BMPER: variants seen among roughly 807,000 people sequenced by gnomAD.
BMPER encodes BMP-binding endothelial regulator protein.
In BMPER, 45 loss-of-function variants were observed where a neutral mutation model predicts 87.3. The observed-to-expected ratio is 0.52, with a 90% CI of 0.41 to 0.66. The LOEUF is 0.66. Among genes scored for constraint, BMPER ranks in the 30% least tolerant of loss-of-function variants. The pLI, the probability that BMPER is intolerant of heterozygous loss-of-function variation, is 0.00. For synonymous variants in BMPER, 326 were observed against 316.2 expected (o/e 1.03, Z -0.33); for missense variants, 784 against 867.5 (o/e 0.90, Z 1.21).
In BMPER at chr7:34,115,778, T is replaced by C. The variant is rs1482747283; in HGVS notation, c.1746-27452T>C. ...ATTGTATCTATTAATACCTTTAGACTGTTGTGAAGAGTAATACCGTGTACA... is the reference window on the plus strand; with the variant it reads ...ATTGTATCTATTAATACCTTTAGACCGTTGTGAAGAGTAATACCGTGTACA... On this transcript the variant is annotated intron_variant, in intron 13 of 14. Coordinates refer to ENST00000649409, the MANE Select transcript of BMPER (RefSeq NM_001365308.1). Among the ~76,000 whole-genome samples the C allele has an allele frequency of 2.6e-5, 4 of 152,212 alleles. No homozygotes were observed. In the East Asian group the frequency reaches 7.7e-4, roughly 29 times the overall value.
intron 2 of BMPER, among the ~76,000 whole-genome samples, chr7:33,932,650 A>G (rs1403082776): frequency 3.3e-5 from 5 of 152,018 alleles, no homozygotes; most frequent in African/African-American, 1.2e-4. Context: ...AAAATAAAGG[A>G]TCCGCCCGCA....
At chr7:33,996,791 C>T (rs1230620527) in intron 6 of BMPER, among the ~76,000 whole-genome samples, 1 of 152,156 alleles carries the variant, frequency 6.6e-6, no homozygotes, top group African/African-American at 2.4e-5. Flanking sequence ...TCCCTAACCC[C>T]ATATATCCAA....
At chr7:33,936,727 A>G (rs935324289) in intron 2 of BMPER, among the ~76,000 whole-genome samples, 3 of 152,220 alleles carry the variant, frequency 2.0e-5, no homozygotes, top group Admixed American at 1.3e-4. Flanking sequence ...CCACAGCTAG[A>G]AAACACTGAC....
chr7:34,132,148 C>T (rs1026959458), intron 13 of BMPER, among the ~76,000 whole-genome samples: 3 of 152,084 alleles, frequency 2.0e-5, no homozygotes, highest in African/African-American at 7.2e-5. Context: ...TAGATTATGC[C>T]GTGGGACAAT....
intron 11 of BMPER, among the ~76,000 whole-genome samples, chr7:34,077,636 T>G (rs1261057714): frequency 6.6e-6 from 1 of 152,190 alleles, no homozygotes; most frequent in East Asian, 1.9e-4. Context: ...TTGTATGGAG[T>G]CATATGAAAT....
At chr7:34,112,246 G>A (rs1376107733) in intron 13 of BMPER, among the ~76,000 whole-genome samples, 1 of 151,986 alleles carries the variant, frequency 6.6e-6, no homozygotes, top group African/African-American at 2.4e-5. Flanking sequence ...TGTAATCCCA[G>A]CACTTTTGGA....
rs1791290106 is a variant in BMPER at position 34,155,729 on chromosome 7, C to T, written c.*2456C>T. The stretch of plus-strand genomic sequence containing the variant: ...GGCTACAGCTGAGCAATGGCTTAGT[C>T]TAATGATTGGGCACAATGAGGATTT... On this transcript the variant is annotated 3_prime_UTR_variant, in exon 15 of 15. Transcript: ENST00000649409. 6.6e-6 allele frequency: 1 copy of T among 152,182 alleles called. No homozygotes were observed. Among genetic ancestry groups the T allele is most frequent in the South Asian group, 2.1e-4 (1 of 4,822 alleles). The allele number at this position is 152,182 out of a possible 1,614,324, so 9.4% of individuals were successfully genotyped here.
chr7:33,935,551 A>T (rs1177214947), intron 2 of BMPER, among the ~76,000 whole-genome samples: 3 of 151,896 alleles, frequency 2.0e-5, no homozygotes, highest in Non-Finnish European at 2.9e-5. Flanking sequence ...CCTTGAGGGC[A>T]CTTACCATAT....
intron 13 of BMPER, among the ~76,000 whole-genome samples, chr7:34,122,986 G>A (rs1287282784): frequency 1.3e-5 from 2 of 152,024 alleles, no homozygotes; most frequent in Non-Finnish European, 2.9e-5. Flanking sequence ...ATGGCATAAA[G>A]GGATACAATT....
chr7:34,036,452 T>A (rs772745497), intron 6 of BMPER, among the ~76,000 whole-genome samples: 1 of 152,166 alleles, frequency 6.6e-6, no homozygotes, highest in Admixed American at 6.5e-5. Context: ...CTCAGAGGCA[T>A]GGCAGGAGCT....
At chr7:33,969,904 G>A (rs1306363419) in intron 4 of BMPER, among the ~76,000 whole-genome samples, 2 of 152,084 alleles carry the variant, frequency 1.3e-5, no homozygotes, top group Non-Finnish European at 2.9e-5. Flanking sequence ...CCAGGTGCTA[G>A]TCTGGGTTAA....
intron 14 of BMPER, 95 bp from the exon 15 acceptor site, chr7:34,152,997 T>G: frequency 3.6e-6 from 5 of 1,395,808 alleles, no homozygotes; most frequent in Non-Finnish European, 5.1e-6. Context: ...GAAACGTCCA[T>G]GAAGTGTCAT....
At chr7:34,152,678 G>C (rs970074134) in intron 14 of BMPER, among the ~76,000 whole-genome samples, 15 of 151,872 alleles carry the variant, frequency 9.9e-5, no homozygotes, top group African/African-American at 1.5e-4. Flanking sequence ...TTCTCTGTGG[G>C]TAATTTCATA....
At chr7:33,923,073 C>T (rs2128605060) in intron 2 of BMPER, among the ~76,000 whole-genome samples, 1 of 152,200 alleles carries the variant, frequency 6.6e-6, no homozygotes, top group African/African-American at 2.4e-5. Flanking sequence ...CCAGTGCCTG[C>T]CTGTATGTGT....
intron 13 of BMPER, among the ~76,000 whole-genome samples, chr7:34,106,418 G>A (rs1170797867): frequency 6.6e-6 from 1 of 152,170 alleles, no homozygotes; most frequent in Non-Finnish European, 1.5e-5. Flanking sequence ...ACTCTGGGTG[G>A]TTGTTCAACC....
At chr7:33,956,012 A>T (rs1005241567) in intron 3 of BMPER, among the ~76,000 whole-genome samples, 1 of 151,966 alleles carries the variant, frequency 6.6e-6, no homozygotes, top group African/African-American at 2.4e-5. Flanking sequence ...CTGTTCATAG[A>T]CAGACAAACA....
chr7:33,989,540 G>A (rs1382597971), intron 6 of BMPER, among the ~76,000 whole-genome samples: 4 of 152,100 alleles, frequency 2.6e-5, no homozygotes, highest in South Asian at 4.1e-4. Context: ...AGTAGGTTGC[G>A]AAATTTTTCT....
chr7:34,039,704 A>G (rs1033622196), intron 6 of BMPER, among the ~76,000 whole-genome samples: 1 of 151,744 alleles, frequency 6.6e-6, no homozygotes, highest in Admixed American at 6.6e-5. Flanking sequence ...GTATATGTGT[A>G]TGTATATGTA....
intron 11 of BMPER, among the ~76,000 whole-genome samples, chr7:34,074,248 AC>A (rs1289382417): frequency 2.0e-5 from 3 of 151,670 alleles, no homozygotes; most frequent in South Asian, 4.2e-4. Flanking sequence ...TTCCACCCCC[AC>A]CCCCATACAT....
Sources: allele counts gnomAD v4.1 joint callset (sites outside exome capture counted in the v4.1 genomes callset), GRCh38; gene constraint gnomAD v4.1.1; transcripts MANE v1.5; gene names NCBI Gene and HGNC (gene_info 2026-07-23, HGNC 2026-07-21).